TOP6BL: variants seen among roughly 807,000 people sequenced by gnomAD.
The protein encoded by TOP6BL is type 2 DNA topoisomerase 6 subunit B-like.
chr11:66,836,625 G>A, the TOP6BL span, among the ~76,000 whole-genome samples: 560 of 150,502 alleles, frequency 3.7e-3, 2 homozygotes, highest in African/African-American at 0.012. Flanking sequence ...GGCGGAGGTG[G>A]GAGGATCGCT....
At chr11:66,826,875 G>T in the TOP6BL span, among the ~76,000 whole-genome samples, 1 of 149,202 alleles carries the variant, frequency 6.7e-6, no homozygotes, top group African/African-American at 2.5e-5. Flanking sequence ...TAGAGACAGG[G>T]TTTCTCCATG....
chr11:66,778,166 T>C, the TOP6BL span, among the ~76,000 whole-genome samples: 2 of 151,702 alleles, frequency 1.3e-5, no homozygotes, highest in South Asian at 4.2e-4. Flanking sequence ...CCTCCCAAAT[T>C]GCTGGGATTA....
the TOP6BL span, among the ~76,000 whole-genome samples, chr11:66,820,943 T>C: frequency 3.3e-5 from 5 of 152,200 alleles, no homozygotes; most frequent in Admixed American, 1.3e-4. Flanking sequence ...TAATTATTTG[T>C]GGATATGTAG....
At chr11:66,808,522 T>G in the TOP6BL span, among the ~76,000 whole-genome samples, 1 of 148,406 alleles carries the variant, frequency 6.7e-6, no homozygotes, top group Non-Finnish European at 1.5e-5. Flanking sequence ...GAGACCAGTT[T>G]CAAAAAAAAA....
the TOP6BL span, chr11:66,788,293 A>T: frequency 1.4e-6 from 2 of 1,455,858 alleles, no homozygotes; most frequent in South Asian, 2.3e-5. Context: ...TGGTCTTATA[A>T]ATTACTAATG....
chr11:66,790,587 A>G, the TOP6BL span, among the ~76,000 whole-genome samples: 1 of 152,262 alleles, frequency 6.6e-6, no homozygotes, highest in East Asian at 1.9e-4. Flanking sequence ...CAGAAAAATC[A>G]AAGTATGATC....
At chr11:66,744,900 CGGCCGT>C in the TOP6BL span, 2 of 1,266,974 alleles carry the variant, frequency 1.6e-6, no homozygotes, top group Non-Finnish European at 1.0e-6. Context: ...ATGGAGGGGA[CGGCCGT>C]GGCCGTGTTC....
the TOP6BL span, among the ~76,000 whole-genome samples, chr11:66,814,566 C>T: frequency 6.6e-6 from 1 of 152,026 alleles, no homozygotes; most frequent in Non-Finnish European, 1.5e-5. Context: ...CCCGGCCTGG[C>T]ATTGCATGTT....
chr11:66,835,591 CCTGGCAACCA>C, the TOP6BL span, among the ~76,000 whole-genome samples: 3 of 152,192 alleles, frequency 2.0e-5, no homozygotes, highest in Non-Finnish European at 1.5e-5. Context: ...CCCTTCAACC[CCTGGCAACCA>C]CTAGTATGCT....
At chr11:66,799,656 G>A in the TOP6BL span, among the ~76,000 whole-genome samples, 1 of 151,848 alleles carries the variant, frequency 6.6e-6, no homozygotes, top group Non-Finnish European at 1.5e-5. Context: ...AGGTTGCAGT[G>A]AGCCGAGATT....
At chr11:66,843,341 GCTTCC>G in the TOP6BL span, 9 of 1,479,690 alleles carry the variant, frequency 6.1e-6, no homozygotes, top group Non-Finnish European at 8.0e-6. Context: ...TTCCGCGTCT[GCTTCC>G]GCGTCGGGCC....
the TOP6BL span, among the ~76,000 whole-genome samples, chr11:66,786,974 C>A: frequency 6.7e-6 from 1 of 149,738 alleles, no homozygotes; most frequent in South Asian, 2.1e-4. Flanking sequence ...GCTCTTGTTG[C>A]CCAGGCTGGA....
the TOP6BL span, chr11:66,816,232 G>GT: frequency 6.3e-7 from 1 of 1,588,728 alleles, no homozygotes; most frequent in South Asian, 1.1e-5. Context: ...GCCAGCTGGG[G>GT]TGTGCCAAAT....
At chr11:66,804,232 TG>T in the TOP6BL span, 3 of 1,499,930 alleles carry the variant, frequency 2.0e-6, no homozygotes, top group Non-Finnish European at 2.7e-6. Flanking sequence ...ATCTTTGAAA[TG>T]GGTTTTTATA....
chr11:66,795,624 C>T, the TOP6BL span, among the ~76,000 whole-genome samples: 1 of 151,892 alleles, frequency 6.6e-6, no homozygotes, highest in Admixed American at 6.6e-5. Flanking sequence ...TATATGGATC[C>T]TTAAAACAGT....
the TOP6BL span, among the ~76,000 whole-genome samples, chr11:66,821,182 T>C: frequency 6.6e-6 from 1 of 152,342 alleles, no homozygotes; most frequent in East Asian, 1.9e-4. Context: ...TTTAGCTTGA[T>C]TCTGAGGGCC....
chr11:66,763,766 A>G, the TOP6BL span, among the ~76,000 whole-genome samples: 4 of 151,892 alleles, frequency 2.6e-5, no homozygotes, highest in African/African-American at 9.7e-5. Context: ...CTCCATGCCC[A>G]GTTACTTTTT....
the TOP6BL span, among the ~76,000 whole-genome samples, chr11:66,834,914 G>C: frequency 6.6e-6 from 1 of 151,798 alleles, no homozygotes; most frequent in African/African-American, 2.4e-5. Context: ...GAACAAGATA[G>C]TACTCCAGGG....
At chr11:66,823,697 G>A in the TOP6BL span, among the ~76,000 whole-genome samples, 25 of 152,064 alleles carry the variant, frequency 1.6e-4, no homozygotes, top group Non-Finnish European at 2.9e-5. Flanking sequence ...GTGCACGCCT[G>A]TAGTCCCAGC....
Sources: gnomAD v4.1 joint callset for allele counts (sites outside exome capture counted in the v4.1 genomes callset) on GRCh38, gnomAD v4.1.1 for gene constraint, MANE v1.5 for transcripts, NCBI Gene and HGNC (gene_info 2026-07-23, HGNC 2026-07-21) for gene names.